OSBPL9: variants seen among roughly 807,000 people sequenced by gnomAD.
The protein encoded by OSBPL9 is oxysterol binding protein like 9, also known as oxysterol-binding protein-related protein 9.
OSBPL9 carries 40 observed loss-of-function variants against 106.6 expected under a neutral mutation model. The observed-to-expected ratio is 0.38, with a 90% CI of 0.29 to 0.49. The LOEUF (loss-of-function observed/expected upper bound fraction) is 0.49, where lower values mean the gene tolerates loss of function less well. Among genes scored for constraint, OSBPL9 ranks in the 20% least tolerant of loss-of-function variants. OSBPL9 has a pLI of 0.97. For synonymous variants in OSBPL9, 269 were observed against 295.4 expected (o/e 0.91, Z 0.92); for missense variants, 609 against 887.2 (o/e 0.69, Z 3.98).
rs554715581 is a variant in OSBPL9, at chr1:51,579,770, C to T, written c.-423+2514C>T. ...CAGCTACCTTGAGGTGGGAGGGTCACCTGAGCCCAGAGAGGTCAAGGCTGC... is the reference window on the plus strand; with the variant it reads ...CAGCTACCTTGAGGTGGGAGGGTCATCTGAGCCCAGAGAGGTCAAGGCTGC... On this transcript the variant is annotated intron_variant, in intron 1 of 25. Coordinates refer to the OSBPL9 transcript ENST00000371714. Among the ~76,000 whole-genome samples the T allele has an allele frequency of 4.1e-4, 62 of 151,638 alleles. 1 individual carries two copies. Among genetic ancestry groups the T allele is most frequent in the African/African-American group, 1.4e-3 (59 of 41,292 alleles).
intron 1 of OSBPL9, among the ~76,000 whole-genome samples, chr1:51,645,487 T>G (rs1007683201): frequency 2.7e-5 from 4 of 148,362 alleles, no homozygotes; most frequent in Non-Finnish European, 6.0e-5. Context: ...GTTTGGTTGG[T>G]TTTTTTTTTA....
chr1:51,673,442 A>G (rs955500641), intron 3 of OSBPL9, among the ~76,000 whole-genome samples: 11 of 152,230 alleles, frequency 7.2e-5, no homozygotes. Context: ...GATAAGAGAA[A>G]TAATAGCATT....
chr1:51,603,877 A>T (rs960637156), intron 2 of OSBPL9, among the ~76,000 whole-genome samples: 4 of 152,172 alleles, frequency 2.6e-5, no homozygotes, highest in African/African-American at 9.7e-5. Context: ...TAATGTATAC[A>T]TTATTAAGCT....
At chr1:51,786,961 T>C (rs1328032076) in intron 22 of OSBPL9, among the ~76,000 whole-genome samples, 2 of 152,242 alleles carry the variant, frequency 1.3e-5, no homozygotes, top group Non-Finnish European at 2.9e-5. Flanking sequence ...GGAGTTTTTC[T>C]GAAATGGAAC....
chr1:51,604,898 C>T (rs528078471), intron 2 of OSBPL9, among the ~76,000 whole-genome samples: 26 of 151,966 alleles, frequency 1.7e-4, no homozygotes, highest in South Asian at 8.3e-4. Flanking sequence ...GTGATCCACC[C>T]GCCTCAGCCT....
chr1:51,632,611 CT>C, intron 1 of OSBPL9, among the ~76,000 whole-genome samples: 7 of 117,482 alleles, frequency 6.0e-5, no homozygotes, highest in Admixed American at 2.5e-4. Context: ...TATTATAATG[CT>C]AGGTTAAGCA....
At chr1:51,668,998 C>T (rs1249416610) in intron 2 of OSBPL9, among the ~76,000 whole-genome samples, 1 of 152,186 alleles carries the variant, frequency 6.6e-6, no homozygotes, top group Non-Finnish European at 1.5e-5. Context: ...GGCATTTCTA[C>T]ACTAACAAGT....
At chr1:51,681,895 A>G (rs1652635949) in intron 3 of OSBPL9, among the ~76,000 whole-genome samples, 1 of 152,208 alleles carries the variant, frequency 6.6e-6, no homozygotes, top group Non-Finnish European at 1.5e-5. Flanking sequence ...TTATCATACT[A>G]TACTTTTAAA....
intron 1 of OSBPL9, among the ~76,000 whole-genome samples, chr1:51,577,802 GA>G (rs1338139035): frequency 6.6e-6 from 1 of 152,174 alleles, no homozygotes; most frequent in Non-Finnish European, 1.5e-5. Flanking sequence ...AAAAGATAGA[GA>G]AACAGAAGCT....
chr1:51,585,740 C>T (rs760049611), intron 1 of OSBPL9, among the ~76,000 whole-genome samples: 36 of 151,650 alleles, frequency 2.4e-4, no homozygotes, highest in Non-Finnish European at 4.1e-4. Context: ...CGTGCCACTG[C>T]GCTCCAGCCT....
At chr1:51,732,529 C>T (rs1664692624) in intron 4 of OSBPL9, among the ~76,000 whole-genome samples, 2 of 152,172 alleles carry the variant, frequency 1.3e-5, no homozygotes, top group Non-Finnish European at 2.9e-5. Context: ...TAATGAAGTT[C>T]TACCACACAC....
chr1:51,766,124 GT>G (rs1254525905), intron 12 of OSBPL9, 143 bp downstream of exon 12: 9 of 871,150 alleles, frequency 1.0e-5, no homozygotes, highest in Non-Finnish European at 1.2e-5. Flanking sequence ...TTTAATAGAA[GT>G]TTTTTTATTG....
the OSBPL9 span, among the ~76,000 whole-genome samples, chr1:51,531,526 G>A: frequency 1.5e-3 from 234 of 152,234 alleles, 1 homozygote; most frequent in African/African-American, 5.3e-3. Flanking sequence ...AAAGGATCAC[G>A]GATGATGCCA....
chr1:51,637,894 T>A (rs535943141), intron 1 of OSBPL9, among the ~76,000 whole-genome samples: 1 of 152,208 alleles, frequency 6.6e-6, no homozygotes, highest in Non-Finnish European at 1.5e-5. Flanking sequence ...GTTAGAGACA[T>A]ACCTATTACC....
intron 1 of OSBPL9, among the ~76,000 whole-genome samples, chr1:51,592,862 T>C (rs1645283799): frequency 6.6e-6 from 1 of 152,232 alleles, no homozygotes; most frequent in Non-Finnish European, 1.5e-5. Flanking sequence ...ATGGCAGGTC[T>C]GTGCATGTTC....
chr1:51,752,196 A>G (rs1019628571), intron 8 of OSBPL9, among the ~76,000 whole-genome samples: 1 of 151,736 alleles, frequency 6.6e-6, no homozygotes, highest in Admixed American at 6.6e-5. Flanking sequence ...TTCCAGTAAC[A>G]TTGGCTCATT....
rs149147568 is a variant in OSBPL9, at chr1:51,730,480, A to G, written c.319-15056A>G. Among the ~76,000 whole-genome samples the G allele has an allele frequency of 2.4e-3, 373 of 152,256 alleles. 1 individual carries two copies. The highest frequency in any genetic ancestry group is 8.4e-3 in the African/African-American group (347 of 41,544). ...GTGCCTGGCCCTGTATTTTTTGTGTATAAAGTAATTACGGATGCTATTGTT... is the reference window on the plus strand; with the variant it reads ...GTGCCTGGCCCTGTATTTTTTGTGTGTAAAGTAATTACGGATGCTATTGTT... On this transcript the variant is annotated intron_variant, in intron 4 of 23. Transcript: ENST00000428468.
intron 4 of OSBPL9, among the ~76,000 whole-genome samples, chr1:51,740,544 AT>A (rs1666684273): frequency 6.6e-6 from 1 of 151,666 alleles, no homozygotes; most frequent in East Asian, 1.9e-4. Context: ...TGTTATTCTG[AT>A]TTTTTCTATG....
At chr1:51,666,515 G>A (rs1648553993) in intron 2 of OSBPL9, among the ~76,000 whole-genome samples, 1 of 152,182 alleles carries the variant, frequency 6.6e-6, no homozygotes, top group Admixed American at 6.5e-5. Flanking sequence ...TGTTGCTAGT[G>A]ACTATTAAAC....
Sources: gnomAD v4.1 joint callset for allele counts (sites outside exome capture counted in the v4.1 genomes callset) on GRCh38, gnomAD v4.1.1 for gene constraint, MANE v1.5 for transcripts, NCBI Gene and HGNC (gene_info 2026-07-23, HGNC 2026-07-21) for gene names.